The following OR56A3 variants were observed in gnomAD, a reference collection of about 807,000 sequenced individuals.
OR56A3 encodes olfactory receptor family 56 subfamily A member 3, also known as olfactory receptor 56A3.
In OR56A3, 23 loss-of-function variants were observed where a neutral mutation model predicts 17.5. The ratio of observed to expected loss-of-function variants is 1.32; its 90% confidence interval spans 0.95 to 1.87. The LOEUF is 1.87. Among genes scored for constraint, OR56A3 ranks in the 40% most tolerant of loss-of-function variants. OR56A3 has a pLI of 0.00. For synonymous variants in OR56A3, 175 were observed against 150.6 expected, an observed-to-expected ratio of 1.16 and a Z score of -1.19; for missense variants, 366 against 380.1, an observed-to-expected ratio of 0.96 and a Z score of 0.31.
At chr11:6,010,404 G>A in the OR56A3 span, among the ~76,000 whole-genome samples, 1 of 152,334 alleles carries the variant, frequency 6.6e-6, no homozygotes, top group South Asian at 2.1e-4. Context: ...AAGAGGTGTA[G>A]CCTTTGGGAG....
At chr11:5,960,751 G>C in the OR56A3 span, among the ~76,000 whole-genome samples, 1 of 151,380 alleles carries the variant, frequency 6.6e-6, no homozygotes, top group Non-Finnish European at 1.5e-5. Context: ...CCCTCTGCCC[G>C]GCAGCCCAGT....
the OR56A3 span, among the ~76,000 whole-genome samples, chr11:6,005,035 A>G: frequency 6.6e-6 from 1 of 152,168 alleles, no homozygotes; most frequent in Non-Finnish European, 1.5e-5. Flanking sequence ...AAGCAGTGTA[A>G]TGTGGTTTAA....
chr11:5,956,473 A>AC, the OR56A3 span, among the ~76,000 whole-genome samples: 56 of 152,132 alleles, frequency 3.7e-4, no homozygotes, highest in Non-Finnish European at 8.1e-4. Flanking sequence ...GTCCTGAAAG[A>AC]CCAATATCTA....
chr11:6,011,512 C>T, the OR56A3 span, among the ~76,000 whole-genome samples: 10 of 152,092 alleles, frequency 6.6e-5, no homozygotes, highest in East Asian at 1.9e-3. Flanking sequence ...AAAACATGTC[C>T]TGACATTATC....
the OR56A3 span, among the ~76,000 whole-genome samples, chr11:6,015,981 T>C: frequency 1.3e-5 from 2 of 152,134 alleles, no homozygotes; most frequent in Non-Finnish European, 2.9e-5. Context: ...AGGGATGGAA[T>C]GCTATGGTGT....
the OR56A3 span, among the ~76,000 whole-genome samples, chr11:5,995,578 G>A: frequency 5.9e-4 from 90 of 152,132 alleles, no homozygotes; most frequent in African/African-American, 2.0e-3. Flanking sequence ...ACCCATCAAG[G>A]TTCCTTTAAA....
At chr11:6,017,408 A>C in the OR56A3 span, among the ~76,000 whole-genome samples, 4 of 152,222 alleles carry the variant, frequency 2.6e-5, no homozygotes, top group African/African-American at 7.2e-5. Context: ...GAATTCTAAA[A>C]ATAGCAAGAG....
the OR56A3 span, among the ~76,000 whole-genome samples, chr11:6,015,486 G>A: frequency 1.3e-5 from 2 of 152,248 alleles, no homozygotes; most frequent in African/African-American, 4.8e-5. Context: ...CCATCCTCCA[G>A]ATTCTGGTAT....
At chr11:5,987,462 T>C in the OR56A3 span, among the ~76,000 whole-genome samples, 1 of 152,240 alleles carries the variant, frequency 6.6e-6, no homozygotes, top group Non-Finnish European at 1.5e-5. Context: ...TTATATACTT[T>C]TATTTCTTCC....
the OR56A3 span, among the ~76,000 whole-genome samples, chr11:5,976,885 G>A: frequency 1.1e-4 from 16 of 152,160 alleles, no homozygotes; most frequent in African/African-American, 3.9e-4. Context: ...CCACCACCAA[G>A]TAGGCCCCAG....
the OR56A3 span, chr11:5,967,182 T>C: frequency 1.2e-5 from 2 of 165,670 alleles, no homozygotes; most frequent in African/African-American, 4.8e-5. Context: ...CCAAGACATC[T>C]AACACATATG....
At chr11:5,970,072 G>A in the OR56A3 span, among the ~76,000 whole-genome samples, 1 of 152,148 alleles carries the variant, frequency 6.6e-6, no homozygotes, top group Non-Finnish European at 1.5e-5. Context: ...AGAGATTATG[G>A]ATCCAGTTTT....
At chr11:6,003,017 G>A in the OR56A3 span, 7 of 1,614,120 alleles carry the variant, frequency 4.3e-6, no homozygotes, top group African/African-American at 1.3e-5. Context: ...TCAATCTGGA[G>A]ACCCAGTGTA....
At chr11:5,951,924 T>C (rs567488505), downstream of OR56A3, among the ~76,000 whole-genome samples, 8 of 152,242 alleles carry the variant, frequency 5.3e-5, no homozygotes, top group South Asian at 1.7e-3. Flanking sequence ...GGATTGTGCA[T>C]TAAGGAATGA....
the OR56A3 span, among the ~76,000 whole-genome samples, chr11:5,965,048 T>TTC: frequency 6.6e-6 from 1 of 152,182 alleles, no homozygotes; most frequent in Non-Finnish European, 1.5e-5. Flanking sequence ...TTGTTCAAAT[T>TTC]ATCCATTTCC....
the OR56A3 span, chr11:5,994,739 G>A: frequency 1.2e-6 from 1 of 800,440 alleles, no homozygotes. Flanking sequence ...CACAGTATTT[G>A]CGAAGATCTG....
the OR56A3 span, chr11:6,000,794 G>A: frequency 6.6e-6 from 1 of 152,150 alleles, no homozygotes; most frequent in Non-Finnish European, 1.5e-5. Flanking sequence ...AGAAAACAAA[G>A]TTTAAGATAA....
chr11:6,014,205 C>T, the OR56A3 span, among the ~76,000 whole-genome samples: 2 of 152,278 alleles, frequency 1.3e-5, no homozygotes, highest in African/African-American at 4.8e-5. Context: ...CAGCCTAAGC[C>T]ACTGAGAAAA....
chr11:5,971,745 A>G, the OR56A3 span, among the ~76,000 whole-genome samples: 2 of 152,200 alleles, frequency 1.3e-5, no homozygotes, highest in Non-Finnish European at 2.9e-5. Flanking sequence ...GAAATGGATA[A>G]CTTTTACTCT....
Sources: allele counts gnomAD v4.1 joint callset (sites outside exome capture counted in the v4.1 genomes callset), GRCh38; gene constraint gnomAD v4.1.1; transcripts MANE v1.5; gene names NCBI Gene and HGNC (gene_info 2026-07-23, HGNC 2026-07-21).